Variants in ENOX2 observed in about 807,000 individuals in gnomAD.
ENOX2 encodes the protein APK1 antigen.
Under a neutral mutation model 45.0 loss-of-function variants are expected in ENOX2, and 36 were observed. The observed-to-expected ratio is 0.80, with a 90% CI of 0.61 to 1.06. The LOEUF (loss-of-function observed/expected upper bound fraction) is 1.06, where lower values mean the gene tolerates loss of function less well. Among genes scored for constraint, ENOX2 ranks in the 50% least tolerant of loss-of-function variants. ENOX2 has a pLI of 0.00. For missense variants in ENOX2, 423 were observed against 462.5 expected (o/e 0.91, Z 0.78); for synonymous variants, 174 against 152.3 (o/e 1.14, Z -1.05).
chrX:130,708,048 C>G (rs957003841), intron 3 of ENOX2, among the ~76,000 whole-genome samples: 3 of 111,856 alleles, frequency 2.7e-5, no homozygotes, highest in Admixed American at 1.9e-4. Flanking sequence ...AACTTATACT[C>G]TAATGCAATA....
chrX:130,711,073 CAG>C (rs1007402591), intron 3 of ENOX2, among the ~76,000 whole-genome samples: 1 of 111,967 alleles, frequency 8.9e-6, no homozygotes, highest in Non-Finnish European at 1.9e-5. Flanking sequence ...AAAGATGACA[CAG>C]GGGCAGGGTT....
chrX:130,676,661 C>T (rs2037160237), intron 6 of ENOX2, among the ~76,000 whole-genome samples: 1 of 111,058 alleles, frequency 9.0e-6, no homozygotes, highest in Admixed American at 9.5e-5. Flanking sequence ...TAAGTGCTGC[C>T]GAATTTTTGG....
intron 2 of ENOX2, among the ~76,000 whole-genome samples, chrX:130,848,855 T>A (rs1378779508): frequency 4.5e-5 from 5 of 111,303 alleles, no homozygotes; most frequent in African/African-American, 1.6e-4. Context: ...CAATCCTAAA[T>A]GATCTCTCCT....
At chrX:130,783,525 A>G (rs1433621336) in intron 3 of ENOX2, 22 bp downstream of exon 3, 1 of 329,563 alleles carries the variant, frequency 3.0e-6, no homozygotes, top group Admixed American at 3.1e-5. Context: ...GGCTTAAGAC[A>G]GTGCATTATC....
At chrX:130,641,002 G>T (rs1603293597) in intron 10 of ENOX2, among the ~76,000 whole-genome samples, 1 of 111,939 alleles carries the variant, frequency 8.9e-6, no homozygotes, top group East Asian at 2.8e-4. Flanking sequence ...GGAAACATGT[G>T]TAATGGGAAT....
intron 9 of ENOX2, among the ~76,000 whole-genome samples, chrX:130,660,602 T>C (rs1345112483): frequency 8.9e-6 from 1 of 112,042 alleles, no homozygotes; most frequent in Non-Finnish European, 1.9e-5. Context: ...TCTCCCAGAT[T>C]TGCCCCATTT....
At chrX:130,802,681 A>G (rs1603353652) in intron 2 of ENOX2, among the ~76,000 whole-genome samples, 1 of 111,994 alleles carries the variant, frequency 8.9e-6, no homozygotes, top group East Asian at 2.8e-4. Context: ...CTTCTCTATT[A>G]GGGGTCCTAG....
intron 7 of ENOX2, 31 bp downstream of exon 7, chrX:130,669,934 T>C (rs765027395): frequency 9.6e-7 from 1 of 1,039,117 alleles, no homozygotes; most frequent in Admixed American, 2.2e-5. Context: ...AAAGAGTTCT[T>C]TTAATCATGA....
chrX:130,649,882 T>C (rs2036354401), intron 10 of ENOX2, among the ~76,000 whole-genome samples: 1 of 111,918 alleles, frequency 8.9e-6, no homozygotes, highest in Non-Finnish European at 1.9e-5. Flanking sequence ...AAAAGGCATA[T>C]TAACTATCTG....
chrX:130,804,659 C>T (rs758576739), intron 2 of ENOX2, among the ~76,000 whole-genome samples: 5 of 111,525 alleles, frequency 4.5e-5, no homozygotes, highest in Non-Finnish European at 9.4e-5. Context: ...ACTCTTTGTC[C>T]CCTACCACTA....
At chrX:130,786,107 G>C (rs1369708781) in intron 2 of ENOX2, among the ~76,000 whole-genome samples, 1 of 112,973 alleles carries the variant, frequency 8.9e-6, no homozygotes, top group Non-Finnish European at 1.9e-5. Context: ...TTGGTGCCTA[G>C]CACCATACCT....
At chrX:130,647,335 C>T (rs920236022) in intron 10 of ENOX2, among the ~76,000 whole-genome samples, 3 of 111,841 alleles carry the variant, frequency 2.7e-5, no homozygotes, top group African/African-American at 9.8e-5. Context: ...GCTTTGGGGG[C>T]GCAATAGGTA....
At chrX:130,902,844 A>T (rs1216285801) in intron 1 of ENOX2, among the ~76,000 whole-genome samples, 1 of 103,549 alleles carries the variant, frequency 9.7e-6, no homozygotes, top group Admixed American at 1.0e-4. Context: ...GAGCAAAGAC[A>T]GCGCGCTCCC....
intron 9 of ENOX2, among the ~76,000 whole-genome samples, chrX:130,659,003 A>G (rs2036616060): frequency 8.9e-6 from 1 of 112,242 alleles, no homozygotes; most frequent in Non-Finnish European, 1.9e-5. Context: ...AAAGGTAAGC[A>G]CAACAACTGT....
intron 4 of ENOX2, among the ~76,000 whole-genome samples, chrX:130,689,394 A>C (rs1430732314): frequency 9.0e-6 from 1 of 111,341 alleles, no homozygotes; most frequent in Non-Finnish European, 1.9e-5. Flanking sequence ...GTACAGCATG[A>C]TATTAAGAGC....
intron 2 of ENOX2, among the ~76,000 whole-genome samples, chrX:130,795,771 T>G (rs1202406548): frequency 8.9e-6 from 1 of 111,816 alleles, no homozygotes; most frequent in Non-Finnish European, 1.9e-5. Context: ...CCCTGTCATG[T>G]CTATGTGCTT....
chrX:130,856,035 A>G (rs757317330), intron 2 of ENOX2, among the ~76,000 whole-genome samples: 6 of 112,231 alleles, frequency 5.3e-5, no homozygotes, highest in Admixed American at 2.8e-4. Flanking sequence ...ACGCTCACCT[A>G]TCACAGTACT....
chrX:130,645,882 G>C (rs1247914117), intron 10 of ENOX2: 7 of 672,777 alleles, frequency 1.0e-5, no homozygotes, highest in Non-Finnish European at 1.7e-5. Context: ...TCAAGACCAT[G>C]ATCAGCCCAT....
At chrX:130,786,640 G>A (rs1439036567) in intron 2 of ENOX2, among the ~76,000 whole-genome samples, 1 of 94,822 alleles carries the variant, frequency 1.1e-5, no homozygotes, top group Admixed American at 1.2e-4. Context: ...ACCTATGAGT[G>A]AGAATATGCG....
Sources: allele counts gnomAD v4.1 joint callset (sites outside exome capture counted in the v4.1 genomes callset), GRCh38; gene constraint gnomAD v4.1.1; transcripts MANE v1.5; gene names NCBI Gene and HGNC (gene_info 2026-07-23, HGNC 2026-07-21).